Variants in SECISBP2 observed in about 807,000 individuals in gnomAD.
SECISBP2 encodes the protein selenocysteine insertion sequence-binding protein 2.
In SECISBP2, 96 loss-of-function variants were observed where a neutral mutation model predicts 98.2. The ratio of observed to expected loss-of-function variants is 0.98; its 90% CI spans 0.83 to 1.16. The LOEUF (loss-of-function observed/expected upper bound fraction) is 1.16. SECISBP2 is among the 50% of genes most tolerant of loss of function. The pLI, the probability that SECISBP2 is intolerant of heterozygous loss-of-function variation, is 0.00. For missense variants in SECISBP2, 1,046 were observed against 1,022.9 expected, an observed-to-expected ratio of 1.02 and a Z score of -0.31; for synonymous variants, 407 against 370.2, an observed-to-expected ratio of 1.10 and a Z score of -1.14.
At chr9:89,330,341 A>G (rs1827536995) in intron 5 of SECISBP2, 1 of 152,232 alleles carries the variant, frequency 6.6e-6, no homozygotes, top group South Asian at 2.1e-4. Flanking sequence ...CCAGGAAGAA[A>G]TAGTGTCTGG....
chr9:89,357,376 T>C (rs182047744), intron 14 of SECISBP2, 35 bp from the exon 15 acceptor site: 152 of 1,611,836 alleles, frequency 9.4e-5, no homozygotes, highest in Non-Finnish European at 1.2e-4. Flanking sequence ...CCATGTGACA[T>C]GTCTTCCTGT....
chr9:89,321,931 T>C (rs1411477687), intron 2 of SECISBP2, among the ~76,000 whole-genome samples: 4 of 152,238 alleles, frequency 2.6e-5, no homozygotes, highest in African/African-American at 9.6e-5. Flanking sequence ...CTTGCTGCTG[T>C]GACAAAAGGA....
intron 14 of SECISBP2, chr9:89,355,281 T>C: frequency 2.0e-6 from 2 of 985,462 alleles, no homozygotes; most frequent in Non-Finnish European, 2.4e-6. Flanking sequence ...GAGTATCCTG[T>C]AGGCCAGATG....
At chr9:89,363,147 A>T (rs372819462), downstream of SECISBP2, among the ~76,000 whole-genome samples, 4 of 152,266 alleles carry the variant, frequency 2.6e-5, no homozygotes, top group East Asian at 7.7e-4. Context: ...GTGGGGGCCC[A>T]TCTAACTAGA....
chr9:89,349,432 A>G (rs1006490847), intron 12 of SECISBP2, among the ~76,000 whole-genome samples: 3 of 152,254 alleles, frequency 2.0e-5, no homozygotes, highest in African/African-American at 7.2e-5. Flanking sequence ...CTCCCTGATA[A>G]GAGATTCTTC....
At chr9:89,349,104 C>G (rs759086084) in intron 12 of SECISBP2, among the ~76,000 whole-genome samples, 2 of 152,238 alleles carry the variant, frequency 1.3e-5, no homozygotes, top group Non-Finnish European at 2.9e-5. Context: ...CTGAGAGTTG[C>G]AGGTGCTCCC....
At chr9:89,320,635 AT>A (rs1414736410) in intron 2 of SECISBP2, among the ~76,000 whole-genome samples, 1 of 152,156 alleles carries the variant, frequency 6.6e-6, no homozygotes, top group African/African-American at 2.4e-5. Flanking sequence ...ATGGAGATGA[AT>A]TTTACACATT....
chr9:89,356,435 C>T (rs916335300), intron 14 of SECISBP2: 2 of 152,188 alleles, frequency 1.3e-5, no homozygotes, highest in Admixed American at 6.6e-5. Flanking sequence ...AGCATAGGTG[C>T]CTTTTCATTT....
At chr9:89,363,070 G>C (rs1324257899), downstream of SECISBP2, among the ~76,000 whole-genome samples, 1 of 152,214 alleles carries the variant, frequency 6.6e-6, no homozygotes, top group Non-Finnish European at 1.5e-5. Context: ...TTCCCCATCT[G>C]TCCAGGTTTC....
chr9:89,319,133 C>T, intron 1 of SECISBP2: 1 of 820,686 alleles, frequency 1.2e-6, no homozygotes, highest in Non-Finnish European at 1.5e-6. Context: ...ATTTCAAAGG[C>T]TCGTGGTGAT....
intron 9 of SECISBP2, 111 bp downstream of exon 9, chr9:89,340,064 T>C (rs964913020): frequency 9.2e-6 from 7 of 760,560 alleles, no homozygotes; most frequent in Non-Finnish European, 1.6e-5. Flanking sequence ...CAGGTGGTTT[T>C]GTTTTGATTC....
At chr9:89,352,444 T>C (rs73654764) in intron 14 of SECISBP2, among the ~76,000 whole-genome samples, 3 of 152,318 alleles carry the variant, frequency 2.0e-5, no homozygotes, top group African/African-American at 7.2e-5. Flanking sequence ...GGGAGGCATA[T>C]TTTGAAGGTC....
chr9:89,336,081 C>CTTTTTGTTTTTTTTTTTTTTTTTTT (rs1828630872), intron 7 of SECISBP2, among the ~76,000 whole-genome samples: 1 of 33,062 alleles, frequency 3.0e-5, no homozygotes, highest in Non-Finnish European at 5.7e-5. Context: ...ATTTTAAGTG[C>CTTTTTGTTTTTTTTTTTTTTTTTTT]TTTTTTTTTT....
At chr9:89,363,234 TCTC>T (rs1428815131), downstream of SECISBP2, among the ~76,000 whole-genome samples, 2 of 152,118 alleles carry the variant, frequency 1.3e-5, no homozygotes, top group East Asian at 1.9e-4. Context: ...TGCCCCTTGA[TCTC>T]CTGCAGTCTC....
Position 89,358,947 on chromosome 9 carries a change from C to T in SECISBP2, c.*123C>T. The T allele has an allele frequency of 1.4e-6, 1 of 726,286 alleles. No individual in the cohort carries two copies. 45.0% of individuals were successfully genotyped at this position (726,286 alleles called of 1,614,324 possible). A position where few individuals can be genotyped will look rare whatever the true frequency, so the allele number is the denominator to read the frequency against. The stretch of plus-strand genomic sequence containing the variant: ...GTAACTGTTGAATCTGGAAATTGAT[C>T]AGCATTAAAGGGCACATGAAGCAGT... On this transcript the variant is annotated 3_prime_UTR_variant, in exon 17 of 17. Transcript: ENST00000375807.
intron 5 of SECISBP2, among the ~76,000 whole-genome samples, chr9:89,330,865 A>C (rs972744398): frequency 6.6e-6 from 1 of 152,200 alleles, no homozygotes; most frequent in Admixed American, 6.5e-5. Flanking sequence ...TGGAGTGAGC[A>C]GGAGTGTGAC....
chr9:89,347,079 A>C (rs1830526050), intron 11 of SECISBP2, 31 bp downstream of exon 11: 2 of 1,607,248 alleles, frequency 1.2e-6, no homozygotes, highest in Non-Finnish European at 1.7e-6. Context: ...GAAGTGAGGC[A>C]CTAGAAAACT....
At chr9:89,324,617 G>A (rs1826370532) in intron 2 of SECISBP2, 1 of 152,076 alleles carries the variant, frequency 6.6e-6, no homozygotes, top group Non-Finnish European at 1.5e-5. Context: ...CTTAAAGGGT[G>A]TGTCATGACT....
chr9:89,339,114 A>G (rs1829256514), intron 8 of SECISBP2, among the ~76,000 whole-genome samples: 2 of 152,218 alleles, frequency 1.3e-5, no homozygotes, highest in Non-Finnish European at 2.9e-5. Context: ...GTTCTAACTT[A>G]ATTTCTCGTG....
Sources: allele counts gnomAD v4.1 joint callset (sites outside exome capture counted in the v4.1 genomes callset), GRCh38; gene constraint gnomAD v4.1.1; transcripts MANE v1.5; gene names NCBI Gene and HGNC (gene_info 2026-07-23, HGNC 2026-07-21).